The following ANXA11 variants were observed in gnomAD, a reference collection of about 807,000 sequenced individuals.
ANXA11 encodes annexin A11.
ANXA11 carries 57 observed loss-of-function variants against 64.7 expected under a neutral mutation model. That is an observed-to-expected ratio of 0.88 (90% confidence interval 0.71 to 1.10). The LOEUF (loss-of-function observed/expected upper bound fraction) is 1.10. ANXA11 is among the 50% of genes least tolerant of loss of function. ANXA11 has a pLI of 0.00. For missense variants in ANXA11, 675 were observed against 670.7 expected, an observed-to-expected ratio of 1.01 and a Z score of -0.07; for synonymous variants, 260 against 265.2, an observed-to-expected ratio of 0.98 and a Z score of 0.19.
At chr10:80,179,718 T>C (rs1846290857) in intron 1 of ANXA11, among the ~76,000 whole-genome samples, 1 of 152,190 alleles carries the variant, frequency 6.6e-6, no homozygotes, top group Non-Finnish European at 1.5e-5. Flanking sequence ...CAAGGCCCTT[T>C]GTTCTGCGTT....
At chr10:80,204,132 GA>G (rs1328489102) in intron 1 of ANXA11, among the ~76,000 whole-genome samples, 4 of 152,216 alleles carry the variant, frequency 2.6e-5, no homozygotes, top group Non-Finnish European at 4.4e-5. Flanking sequence ...TTTTACAGAT[GA>G]AAAACCAAAG....
At chr10:80,158,372 G>T (rs12781912) in intron 13 of ANXA11, among the ~76,000 whole-genome samples, 14,737 of 152,150 alleles carry the variant, frequency 0.097, 897 homozygotes, top group South Asian at 0.24. Context: ...GGCAGGAGGG[G>T]CAGACTGGAG....
intron 5 of ANXA11, among the ~76,000 whole-genome samples, chr10:80,167,759 C>T (rs1384060536): frequency 6.6e-6 from 1 of 152,228 alleles, no homozygotes; most frequent in African/African-American, 2.4e-5. Context: ...GGTATTGAGC[C>T]TCCACAACTG....
intron 7 of ANXA11, chr10:80,166,641 T>A (rs571328691): frequency 7.8e-5 from 43 of 548,160 alleles, no homozygotes; most frequent in African/African-American, 6.3e-4. Flanking sequence ...ACAACCTCAG[T>A]GAGATGTGGC....
chr10:80,185,205 TCTGAACAC>T (rs1701585956), intron 1 of ANXA11, among the ~76,000 whole-genome samples: 1 of 152,196 alleles, frequency 6.6e-6, no homozygotes, highest in Admixed American at 6.5e-5. Context: ...TCTGTTTGCT[TCTGAACAC>T]CTACCATCTA....
intron 1 of ANXA11, among the ~76,000 whole-genome samples, chr10:80,192,652 A>G (rs1034294737): frequency 9.2e-5 from 14 of 152,318 alleles, no homozygotes; most frequent in African/African-American, 3.4e-4. Context: ...AAGAAAGAAC[A>G]AGGGTCCTTT....
chr10:80,170,719 G>A, intron 4 of ANXA11, 81 bp downstream of exon 4: 9 of 1,137,270 alleles, frequency 7.9e-6, no homozygotes, highest in Non-Finnish European at 9.6e-6. Context: ...CAACTCTGGA[G>A]CCCCAGAGGC....
chr10:80,173,130 C>T (rs1405903233), intron 2 of ANXA11: 6 of 468,240 alleles, frequency 1.3e-5, no homozygotes, highest in Non-Finnish European at 2.3e-5. Context: ...ATTCACTCCC[C>T]ATGAGCCAGT....
chr10:80,204,219 A>C (rs1378613765), intron 1 of ANXA11, among the ~76,000 whole-genome samples: 1 of 152,252 alleles, frequency 6.6e-6, no homozygotes. Flanking sequence ...CCAGGGCAAC[A>C]AACTGCCCTG....
chr10:80,152,098 C>T lies in ANXA11; in HGVS notation c.*3755G>A, dbSNP rs1845167261. The T allele has an allele frequency of 6.6e-6, 1 of 152,152 alleles. No homozygotes were observed. Among genetic ancestry groups the T allele is most frequent in the African/African-American group, 2.4e-5 (1 of 41,440 alleles). The allele number at this position is 152,152 out of a possible 1,614,324, so 9.4% of individuals were successfully genotyped here. A position where few individuals can be genotyped will look rare whatever the true frequency, so the allele number is the denominator to read the frequency against. ...GGTGCAAAACTATTTAATAGTGTTT[C>T]CTCCAGCGCCCCCACAGCTGCTGAA... On this transcript the variant is annotated 3_prime_UTR_variant, in exon 16 of 16. Coordinates refer to ENST00000422982, the MANE Select transcript of ANXA11 (RefSeq NM_145868.2).
At position 80,166,904 on chromosome 10, in the gene ANXA11, T is replaced by C; in HGVS notation, c.730A>G (p.Thr244Ala). ...QRQQILLSFK[T>A]AYGKDLIKDL... Reference sequence around the variant, plus strand: ...CCGCAGCTCGCCTTGCCGTAAGCCGTCTTGAAGGAAAGTAGGATCTGCTGC... The same window carrying C: ...CCGCAGCTCGCCTTGCCGTAAGCCGCCTTGAAGGAAAGTAGGATCTGCTGC... The change falls in exon 7 of 16, where the codon ACG becomes GCG. Residue 244 changes from threonine to alanine, a missense_variant. Thr to Ala is a moderately conservative substitution (Grantham distance 58). Transcript: ENST00000422982. 6 of 1,607,520 alleles carry C rather than the reference T, an allele frequency of 3.7e-6. No homozygotes were observed. Among genetic ancestry groups the C allele is most frequent in the Non-Finnish European group, 5.1e-6 (6 of 1,177,664 alleles).
At chr10:80,162,850 A>G (rs527685675) in intron 11 of ANXA11, among the ~76,000 whole-genome samples, 5 of 152,172 alleles carry the variant, frequency 3.3e-5, no homozygotes, top group Non-Finnish European at 5.9e-5. Flanking sequence ...GGGAAACCCA[A>G]ACTTTTCGAG....
intron 1 of ANXA11, among the ~76,000 whole-genome samples, chr10:80,187,567 ACACTCTCT>A (rs1237855939): frequency 2.0e-5 from 3 of 149,142 alleles, no homozygotes; most frequent in African/African-American, 7.7e-5. Flanking sequence ...ACACACACAC[ACACTCTCT>A]CTCTCTCTCA....
chr10:80,188,480 C>CATATATATATATATATATAT lies in ANXA11; in HGVS notation c.-57-12345_-57-12326dup, dbSNP rs71034291. ...CAGCTGTGAGAATGTAGTATTCTCA[C>CATATATATATATATATATAT]ATATATATATATATATATATATATA... On this transcript the variant is annotated intron_variant, in intron 1 of 15. Transcript: ENST00000422982. Among the ~76,000 whole-genome samples, 12 of 100,568 alleles carry CATATATATATATATATATAT rather than the reference C, an allele frequency of 1.2e-4. 1 individual carries two copies. The highest frequency in any genetic ancestry group is 3.3e-4 in the East Asian group (1 of 3,010). The allele number at this position is 100,568 out of a possible 152,430, so 66.0% of individuals were successfully genotyped here.
At chr10:80,189,943 G>A (rs1224709973) in intron 1 of ANXA11, among the ~76,000 whole-genome samples, 1 of 152,198 alleles carries the variant, frequency 6.6e-6, no homozygotes, top group Non-Finnish European at 1.5e-5. Context: ...CCTCAAAACA[G>A]AAGAAAACTG....
rs754612107 is a variant in ANXA11 at position 80,158,034 on chromosome 10, G to A, written c.1277-9C>T. On this transcript the variant is annotated splice_polypyrimidine_tract_variant and intron_variant, in intron 13 of 15. Transcript: ENST00000422982. ...ATTCTTGAGACATTTCACTAGAAGAGAGAAACTCGGCATAACCAGATCTGC... is the reference window on the plus strand; with the variant it reads ...ATTCTTGAGACATTTCACTAGAAGAAAGAAACTCGGCATAACCAGATCTGC... 2 of 1,613,904 alleles carry A rather than the reference G, an allele frequency of 1.2e-6. No homozygotes were observed. Among genetic ancestry groups the A allele is most frequent in the Non-Finnish European group, 1.7e-6 (2 of 1,179,802 alleles).
chr10:80,159,347 T>A, intron 12 of ANXA11, 152 bp from the exon 13 acceptor site: 1 of 631,636 alleles, frequency 1.6e-6, no homozygotes, highest in Non-Finnish European at 2.8e-6. Context: ...GCTGCTAGGG[T>A]GTACCCTAAT....
intron 1 of ANXA11, among the ~76,000 whole-genome samples, chr10:80,188,451 T>G (rs1846629969): frequency 6.9e-6 from 1 of 144,822 alleles, no homozygotes; most frequent in South Asian, 2.2e-4. Flanking sequence ...TCCATCTCAT[T>G]ACACAGCTGT....
intron 1 of ANXA11, among the ~76,000 whole-genome samples, chr10:80,191,644 A>G (rs1846781333): frequency 6.6e-6 from 1 of 152,140 alleles, no homozygotes; most frequent in African/African-American, 2.4e-5. Flanking sequence ...CGCCTCTCCC[A>G]TGTGTCGGGA....
Sources: gnomAD v4.1 joint callset for allele counts (sites outside exome capture counted in the v4.1 genomes callset) on GRCh38, gnomAD v4.1.1 for gene constraint, MANE v1.5 for transcripts, NCBI Gene and HGNC (gene_info 2026-07-23, HGNC 2026-07-21) for gene names.